The following LRRIQ3 variants were observed in gnomAD, a reference collection of about 807,000 sequenced individuals.
LRRIQ3 encodes leucine-rich repeat and IQ domain-containing protein 3.
In LRRIQ3, 75 loss-of-function variants were observed where a neutral mutation model predicts 59.3. The observed-to-expected ratio is 1.26, with a 90% CI of 1.05 to 1.53. The LOEUF is 1.53. Ranked by LOEUF, LRRIQ3 falls within the 40% of genes most tolerant of loss-of-function variation. LRRIQ3 has a pLI of 0.00. For synonymous variants in LRRIQ3, 250 were observed against 231.3 expected (o/e 1.08, Z -0.73); for missense variants, 831 against 710.0 (o/e 1.17, Z -1.94).
At chr1:74,141,864 A>G (rs1647269360) in intron 4 of LRRIQ3, among the ~76,000 whole-genome samples, 1 of 151,830 alleles carries the variant, frequency 6.6e-6, no homozygotes, top group Admixed American at 6.6e-5. Context: ...ATCAACTGAA[A>G]AGCAGTTTCA....
chr1:74,106,025 G>A (rs148621481), intron 5 of LRRIQ3, among the ~76,000 whole-genome samples: 8 of 152,010 alleles, frequency 5.3e-5, no homozygotes, highest in African/African-American at 1.9e-4. Context: ...GTTGTATATG[G>A]TTACCCTATA....
chr1:74,056,093 C>A (rs1369962006), intron 6 of LRRIQ3, among the ~76,000 whole-genome samples: 1 of 149,602 alleles, frequency 6.7e-6, no homozygotes, highest in African/African-American at 2.5e-5. Context: ...TGCAGTGAGC[C>A]GAGATCATGC....
intron 5 of LRRIQ3, among the ~76,000 whole-genome samples, chr1:74,093,131 A>T (rs1327796250): frequency 2.0e-5 from 3 of 152,058 alleles, no homozygotes; most frequent in Non-Finnish European, 4.4e-5. Flanking sequence ...ATTACCAAAA[A>T]AAAAAAGTCT....
At chr1:74,101,946 T>G (rs1646539871) in intron 5 of LRRIQ3, among the ~76,000 whole-genome samples, 8 of 151,778 alleles carry the variant, frequency 5.3e-5, no homozygotes, top group Admixed American at 5.3e-4. Flanking sequence ...CATTAGAAGA[T>G]ATACCTAATG....
chr1:74,128,530 C>G (rs941797410), intron 4 of LRRIQ3, among the ~76,000 whole-genome samples: 17 of 152,096 alleles, frequency 1.1e-4, no homozygotes, highest in African/African-American at 3.6e-4. Context: ...TGAGTTCCCT[C>G]AAGAAGGCTA....
chr1:74,083,727 C>T (rs1443107466), intron 5 of LRRIQ3: 1 of 152,352 alleles, frequency 6.6e-6, no homozygotes, highest in African/African-American at 2.4e-5. Context: ...AAAGCTTATA[C>T]CAATATTGAA....
intron 6 of LRRIQ3, among the ~76,000 whole-genome samples, chr1:74,073,015 G>A (rs2100474813): frequency 6.6e-6 from 1 of 152,052 alleles, no homozygotes; most frequent in Admixed American, 6.6e-5. Flanking sequence ...AATGCCTTGA[G>A]ATTATTGAGA....
chr1:74,183,091 C>A (rs1478152780), intron 2 of LRRIQ3: 2 of 335,332 alleles, frequency 6.0e-6, no homozygotes, highest in Non-Finnish European at 5.3e-6. Flanking sequence ...CATAACCATA[C>A]TTTTTTGTTC....
intron 7 of LRRIQ3, among the ~76,000 whole-genome samples, chr1:74,040,625 G>A (rs1457478824): frequency 2.0e-5 from 3 of 152,126 alleles, no homozygotes; most frequent in East Asian, 1.9e-4. Context: ...GTAGAGCTCA[G>A]GATTAAGACA....
At chr1:74,101,544 C>T (rs573880783) in intron 5 of LRRIQ3, among the ~76,000 whole-genome samples, 23 of 152,260 alleles carry the variant, frequency 1.5e-4, no homozygotes, top group African/African-American at 5.3e-4. Flanking sequence ...TTTGATCCAG[C>T]CATCCCATTA....
intron 1 of LRRIQ3, among the ~76,000 whole-genome samples, chr1:74,188,240 G>C: frequency 6.6e-6 from 1 of 152,080 alleles, no homozygotes; most frequent in African/African-American, 2.4e-5. Flanking sequence ...ACACATAAAG[G>C]GGAACAACAC....
chr1:74,117,371 T>A (rs543054620), intron 4 of LRRIQ3, among the ~76,000 whole-genome samples: 1 of 152,252 alleles, frequency 6.6e-6, no homozygotes, highest in Admixed American at 6.5e-5. Flanking sequence ...GAAGAAAAGA[T>A]AAGCAAAGTA....
intron 3 of LRRIQ3, among the ~76,000 whole-genome samples, chr1:74,172,520 G>A (rs1649387275): frequency 6.6e-6 from 1 of 152,006 alleles, no homozygotes; most frequent in South Asian, 2.1e-4. Context: ...TCTAAAGAAG[G>A]TTCTGTGTGT....
chr1:74,166,291 G>T (rs116370880), intron 3 of LRRIQ3, among the ~76,000 whole-genome samples: 2,204 of 148,424 alleles, frequency 0.015, 50 homozygotes, highest in African/African-American at 0.051. Flanking sequence ...TGTAGTTTGT[G>T]TTTTTTTTTC....
At chr1:74,179,287 C>A (rs1649837782) in intron 3 of LRRIQ3, among the ~76,000 whole-genome samples, 1 of 151,830 alleles carries the variant, frequency 6.6e-6, no homozygotes, top group Non-Finnish European at 1.5e-5. Context: ...TTTTTTCTGA[C>A]TCAAAAAATA....
chr1:74,150,869 C>T (rs1322535836), intron 4 of LRRIQ3, among the ~76,000 whole-genome samples: 1 of 151,946 alleles, frequency 6.6e-6, no homozygotes, highest in Non-Finnish European at 1.5e-5. Context: ...CTAATCATAC[C>T]TCTCATGATA....
chr1:74,030,391 T>C lies in LRRIQ3; in HGVS notation c.1719-3422A>G, dbSNP rs541703961. The stretch of plus-strand genomic sequence containing the variant: ...CAAGGCTACAGTAACCAAAACAGCA[T>C]GGTACTGGTACCAAAACAGAGATAT... On this transcript the variant is annotated intron_variant, in intron 7 of 7. Coordinates refer to ENST00000354431, the MANE Select transcript of LRRIQ3 (RefSeq NM_001105659.2). Among the ~76,000 whole-genome samples the C allele has an allele frequency of 5.9e-5, 9 of 152,254 alleles. No homozygotes were observed. The South Asian group carries it at 1.7e-3, about 28-fold the overall frequency.
At chr1:74,058,162 G>A (rs1377850363) in intron 6 of LRRIQ3, among the ~76,000 whole-genome samples, 1 of 152,066 alleles carries the variant, frequency 6.6e-6, no homozygotes. Context: ...AAAATAGTAT[G>A]GAGGTTCTTC....
chr1:74,142,524 G>C (rs17094890), intron 4 of LRRIQ3, among the ~76,000 whole-genome samples: 2,235 of 152,018 alleles, frequency 0.015, 60 homozygotes, highest in African/African-American at 0.051. Flanking sequence ...ACCATTCTTC[G>C]AGTAGGTAGC....
Sources: gnomAD v4.1 joint callset for allele counts (sites outside exome capture counted in the v4.1 genomes callset) on GRCh38, gnomAD v4.1.1 for gene constraint, MANE v1.5 for transcripts, NCBI Gene and HGNC (gene_info 2026-07-23, HGNC 2026-07-21) for gene names.